The following HSF4 variants were observed in gnomAD, a reference collection of about 807,000 sequenced individuals.
The protein encoded by HSF4 is heat shock transcription factor 4, also known as heat shock factor protein 4.
HSF4 carries 41 observed loss-of-function variants against 52.0 expected under a neutral mutation model. The ratio of observed to expected loss-of-function variants is 0.79; its 90% CI spans 0.61 to 1.02. HSF4 has a LOEUF of 1.02. HSF4 is among the 50% of genes least tolerant of loss of function. The probability of loss-of-function intolerance (pLI) is 0.00; values close to 1 mark genes in which losing one functional copy is unlikely to be tolerated. For synonymous variants in HSF4, 285 were observed against 273.0 expected, an observed-to-expected ratio of 1.04 and a Z score of -0.43; for missense variants, 610 against 651.1, an observed-to-expected ratio of 0.94 and a Z score of 0.69.
upstream of HSF4, chr16:67,164,366 G>T: frequency 2.5e-6 from 1 of 394,948 alleles, no homozygotes; most frequent in Non-Finnish European, 5.1e-6. Context: ...GGGAGGGGGC[G>T]TGCTTCCCTG....
chr16:67,164,824 C>G lies in HSF4; in HGVS notation c.13C>G (p.Pro5Ala). Reference protein sequence around the residue: MQEAPAALPTEPGPS... With the variant: MQEAAAALPTEPGPS... ...CCGAGACTGCACCATGCAGGAAGCG[C>G]CAGCTGCGCTGCCCACGGAGCCAGG... is the stretch of plus-strand genomic sequence containing the variant. The change falls in exon 1 of 13, where the codon CCA (proline) becomes GCA (alanine). Residue 5 changes from proline to alanine, a missense_variant. Coordinates refer to ENST00000521374, the MANE Select transcript of HSF4 (RefSeq NM_001374675.1). 1 of 1,601,190 alleles carries G rather than the reference C, an allele frequency of 6.2e-7. No homozygotes were observed. Among genetic ancestry groups the G allele is most frequent in the African/African-American group, 1.3e-5 (1 of 74,920 alleles).
At chr16:67,163,879 G>GT (rs1477431686), upstream of HSF4, 16 of 1,526,800 alleles carry the variant, frequency 1.0e-5, no homozygotes, top group Admixed American at 7.8e-5. Flanking sequence ...GGAACGGGGG[G>GT]GGTGTCCAGG....
chr16:67,168,937 G>T lies in HSF4; in HGVS notation c.1188+1G>T. On this transcript the variant is annotated splice_donor_variant, in intron 10 of 12. Transcript: ENST00000521374. LOFTEE classifies it high-confidence loss of function. ...TGTGGAACCTGCAGGGCCTCTAGAT[G>T]TGAGTACCCCTTCTGCTGAAACAGG... 1.2e-6 allele frequency: 2 copies of T among 1,613,868 alleles called. No individual in the cohort carries two copies. The highest frequency in any genetic ancestry group is 1.7e-6 in the Non-Finnish European group (2 of 1,179,778).
chr16:67,168,254 T>C (rs1422411745), intron 9 of HSF4, among the ~76,000 whole-genome samples: 1 of 152,090 alleles, frequency 6.6e-6, no homozygotes, highest in Non-Finnish European at 1.5e-5. Context: ...GGCAGATCAC[T>C]TGAGGTCAGG....
chr16:67,166,992 A>G, intron 6 of HSF4, 128 bp from the exon 7 acceptor site: 1 of 1,279,378 alleles, frequency 7.8e-7, no homozygotes, highest in Non-Finnish European at 1.1e-6. Flanking sequence ...TGTGACTGAC[A>G]CCCTAGCAAC....
chr16:67,166,504 G>C (rs376624407), intron 5 of HSF4, 54 bp from the exon 6 acceptor site: 1 of 1,604,318 alleles, frequency 6.2e-7, no homozygotes, highest in Non-Finnish European at 8.5e-7. Flanking sequence ...CTGGAAGTGC[G>C]GGGGTGGGGG....
Position 67,167,941 on chromosome 16 carries a change from C to T in HSF4, c.1076C>T (p.Pro359Leu), listed in dbSNP as rs1296463957. ...QPEPGDPREI[P>L]DRGPLGLESG... ...GAACCAGGGGATCCCAGGGAGATAC[C>T]TGACAGGTGAGCAGAGCCCCAGCTG... The change falls in exon 9 of 13, where the codon CCT becomes CTT. Residue 359 changes from proline (P) to leucine (L), a missense_variant. Pro to Leu is a moderately conservative substitution (Grantham distance 98). Coordinates refer to ENST00000521374, the MANE Select transcript of HSF4 (RefSeq NM_001374675.1). The T allele has an allele frequency of 3.1e-6, 5 of 1,591,070 alleles. No homozygotes were observed. The highest frequency in any genetic ancestry group is 2.6e-6 in the Non-Finnish European group (3 of 1,174,436).
upstream of HSF4, chr16:67,164,557 C>CACCCT: frequency 4.2e-6 from 2 of 480,608 alleles, no homozygotes; most frequent in Non-Finnish European, 8.1e-6. Flanking sequence ...CATCTCACCC[C>CACCCT]ACCCCACCCC....
chr16:67,168,580 C>G (rs1402719304), intron 9 of HSF4, among the ~76,000 whole-genome samples: 3 of 152,228 alleles, frequency 2.0e-5, no homozygotes, highest in Admixed American at 2.0e-4. Context: ...GATATTGATA[C>G]TTGCATAGGG....
At chr16:67,164,002 G>A (rs2031057638), upstream of HSF4, 2 of 859,562 alleles carry the variant, frequency 2.3e-6, no homozygotes, top group Non-Finnish European at 3.8e-6. Flanking sequence ...ACCACTCGCT[G>A]CTCTCACCCT....
Position 67,165,614 on chromosome 16 carries a change from G to A in HSF4, c.216G>A (p.Val72=). ...AGCATAGCAACATGGCGAGCTTCGT[G>A]CGCCAACTCAACATGTGTGAGTCCC... is the stretch of plus-strand genomic sequence containing the variant. ...YFKHSNMASF[V]RQLNMYGFRK... The change falls in exon 2 of 13, where the codon GTG becomes GTA. Residue 72 remains valine, a synonymous_variant. Coordinates refer to ENST00000521374, the MANE Select transcript of HSF4 (RefSeq NM_001374675.1). This position sits in a 1 kb window ranked among gnomAD's most constrained non-coding sequence, Gnocchi z 6.9. 6.2e-7 allele frequency: 1 copy of A among 1,613,086 alleles called. No homozygotes were observed.
intron 5 of HSF4, 49 bp from the exon 6 acceptor site, chr16:67,166,509 T>TG (rs757301978): frequency 6.6e-5 from 106 of 1,604,624 alleles, no homozygotes; most frequent in East Asian, 4.2e-4. Context: ...AGTGCGGGGG[T>TG]GGGGGGGCTG....
rs2031315340 is a variant in HSF4 at position 67,166,545 on chromosome 16, G to C, written c.562-13G>C. 1.1e-5 allele frequency: 17 copies of C among 1,613,818 alleles called. No individual in the cohort carries two copies. Among genetic ancestry groups the C allele is most frequent in the Non-Finnish European group, 1.4e-5 (17 of 1,179,908 alleles). On this transcript the variant is annotated splice_polypyrimidine_tract_variant and intron_variant, in intron 5 of 12. Coordinates refer to ENST00000521374, the MANE Select transcript of HSF4 (RefSeq NM_001374675.1). ...TGTCCAAAGTATGAATTAAACCTTT[G>C]CTTTCTCTTCAGCTGATCCAGTGTC...
Position 67,168,946 on chromosome 16 carries a change from CCTT to C in HSF4, c.1188+13_1188+15del. The C allele has an allele frequency of 4.3e-6, 7 of 1,613,522 alleles. No individual in the cohort carries two copies. Among genetic ancestry groups the C allele is most frequent in the Non-Finnish European group, 5.9e-6 (7 of 1,179,484 alleles). The stretch of plus-strand genomic sequence containing the variant: ...TGCAGGGCCTCTAGATGTGAGTACC[CCTT>C]CTGCTGAAACAGGGGCATGAGACCT... On this transcript the variant is annotated intron_variant, in intron 10 of 12. Transcript: ENST00000521374.
Position 67,169,909 on chromosome 16 carries a change from G to T in HSF4, c.*124G>T. 3 of 939,986 alleles carry T rather than the reference G, an allele frequency of 3.2e-6. No homozygotes were observed. Among genetic ancestry groups the T allele is most frequent in the Non-Finnish European group, 3.4e-6 (2 of 595,800 alleles). 58.2% of individuals were successfully genotyped at this position (939,986 alleles called of 1,614,324 possible). A position where few individuals can be genotyped will look rare whatever the true frequency, so the allele number is the denominator to read the frequency against. ...CTAAATGGCCTCTCTCCACTACCCC[G>T]ACTATCCCTGCACATAAACTCCGTT... is the stretch of plus-strand genomic sequence containing the variant. On this transcript the variant is annotated 3_prime_UTR_variant, in exon 13 of 13. Coordinates refer to ENST00000521374, the MANE Select transcript of HSF4 (RefSeq NM_001374675.1). This position sits in a 1 kb window ranked among gnomAD's most constrained non-coding sequence, Gnocchi z 4.3.
Position 67,168,953 on chromosome 16 carries a change from C to T in HSF4, c.1188+17C>T, listed in dbSNP as rs1308338079. 6.2e-7 allele frequency: 1 copy of T among 1,613,180 alleles called. No individual in the cohort carries two copies. On this transcript the variant is annotated intron_variant, in intron 10 of 12. Transcript: ENST00000521374. ...CCTCTAGATGTGAGTACCCCTTCTG[C>T]TGAAACAGGGGCATGAGACCTGGTG... is the stretch of plus-strand genomic sequence containing the variant.
chr16:67,164,274 A>T (rs1362954126), upstream of HSF4: 4 of 405,156 alleles, frequency 9.9e-6, no homozygotes, highest in Non-Finnish European at 1.9e-5. Context: ...GGGTTTCCTC[A>T]AGAGCCTCTG....
chr16:67,169,083 G>C lies in HSF4; in HGVS notation c.1236G>C (p.Leu412Phe). 6.2e-7 allele frequency: 1 copy of C among 1,613,408 alleles called. No individual in the cohort carries two copies. Among genetic ancestry groups the C allele is most frequent in the South Asian group, 1.1e-5 (1 of 91,072 alleles). Residue 412 changes from leucine to phenylalanine, a missense_variant, in exon 11 of 13, where the codon TTG becomes TTC. Leu to Phe is a conservative substitution (Grantham distance 22). Coordinates refer to ENST00000521374, the MANE Select transcript of HSF4 (RefSeq NM_001374675.1). This position sits in a 1 kb window ranked among gnomAD's most constrained non-coding sequence, Gnocchi z 4.3. ...LQGREWTLMD[L>F]DMELSLMQPL... Reference sequence around the variant, plus strand: ...GGCGAGAATGGACCCTGATGGACTTGGACATGGAGCTGTCCTTGGTAAGAA... The same window carrying C: ...GGCGAGAATGGACCCTGATGGACTTCGACATGGAGCTGTCCTTGGTAAGAA...
At chr16:67,166,430 A>G (rs759887807) in intron 5 of HSF4, 35 bp downstream of exon 5, 30 of 1,588,486 alleles carry the variant, frequency 1.9e-5, no homozygotes, top group Non-Finnish European at 2.6e-5. Context: ...TCTCCCTCCC[A>G]CTCCTCGACA....
Sources: allele counts gnomAD v4.1 joint callset (sites outside exome capture counted in the v4.1 genomes callset), GRCh38; gene constraint gnomAD v4.1.1; non-coding constraint Gnocchi (gnomAD v3.1); transcripts MANE v1.5; gene names NCBI Gene and HGNC (gene_info 2026-07-23, HGNC 2026-07-21).